The following RALB variants were observed in gnomAD, a reference collection of about 807,000 sequenced individuals.
RALB encodes RAS like proto-oncogene B, also known as ras-related protein Ral-B.
RALB carries 16 observed loss-of-function variants against 21.3 expected under a neutral mutation model. The observed-to-expected ratio is 0.75, with a 90% confidence interval of 0.51 to 1.14. The LOEUF is 1.14. Among genes scored for constraint, RALB ranks in the 50% most tolerant of loss-of-function variants. The probability of loss-of-function intolerance (pLI) is 0.00; values close to 1 mark genes in which losing one functional copy is unlikely to be tolerated. For missense variants in RALB, 161 were observed against 256.2 expected (o/e 0.63, Z 2.54); for synonymous variants, 93 against 96.1 (o/e 0.97, Z 0.19).
At chr2:120,268,683 A>G (rs1689566014) in intron 1 of RALB, among the ~76,000 whole-genome samples, 1 of 152,144 alleles carries the variant, frequency 6.6e-6, no homozygotes, top group Admixed American at 6.5e-5. Context: ...TAAAATAAAT[A>G]ATTAAGATCC....
In RALB at chr2:120,294,388, C is replaced by G; in HGVS notation, c.*1128C>G. On this transcript the variant is annotated 3_prime_UTR_variant, in exon 5 of 5. Coordinates refer to ENST00000272519, the MANE Select transcript of RALB (RefSeq NM_002881.3). Reference sequence around the variant, plus strand: ...TAATATAATTATTTTCTAAGATAGCCAGATAGTTAGAAAAAGATTTTCATT... The same window carrying G: ...TAATATAATTATTTTCTAAGATAGCGAGATAGTTAGAAAAAGATTTTCATT... 2.5e-6 allele frequency: 1 copy of G among 398,102 alleles called. No homozygotes were observed. Among genetic ancestry groups the G allele is most frequent in the Non-Finnish European group, 4.4e-6 (1 of 225,922 alleles). The allele number at this position is 398,102 out of a possible 1,614,324, so 24.7% of individuals were successfully genotyped here.
intron 1 of RALB, among the ~76,000 whole-genome samples, chr2:120,265,853 G>A (rs1384515636): frequency 2.6e-5 from 4 of 152,192 alleles, no homozygotes; most frequent in Non-Finnish European, 5.9e-5. Flanking sequence ...TCAGGATAGG[G>A]ACATGTATGC....
chr2:120,281,971 A>C (rs1690000662), intron 2 of RALB, among the ~76,000 whole-genome samples: 1 of 152,170 alleles, frequency 6.6e-6, no homozygotes, highest in South Asian at 2.1e-4. Flanking sequence ...AGATGCTACC[A>C]GCATCTAGTG....
intron 1 of RALB, among the ~76,000 whole-genome samples, chr2:120,254,240 T>C (rs1265853040): frequency 6.6e-6 from 1 of 152,158 alleles, no homozygotes; most frequent in Non-Finnish European, 1.5e-5. Flanking sequence ...AGAAGGGTGA[T>C]GATAGTTATC....
chr2:120,261,663 A>C (rs1406482152), intron 1 of RALB, among the ~76,000 whole-genome samples: 2 of 152,112 alleles, frequency 1.3e-5, no homozygotes, highest in East Asian at 3.9e-4. Context: ...TGCTGAAAAC[A>C]GTGAGTGAGA....
chr2:120,253,121 G>C, intron 1 of RALB, 141 bp downstream of exon 1: 1 of 565,898 alleles, frequency 1.8e-6, no homozygotes, highest in Non-Finnish European at 2.2e-6. Context: ...CCCCGAGGCC[G>C]GCGGAGGGCG....
At chr2:120,253,400 A>G (rs1049384426) in intron 1 of RALB, 9 of 985,458 alleles carry the variant, frequency 9.1e-6, no homozygotes, top group East Asian at 2.3e-4. Context: ...CGGAACTTGC[A>G]CGCGCCGTGA....
chr2:120,244,836 A>C (rs1367329055), intron 1 of RALB, among the ~76,000 whole-genome samples: 3 of 152,322 alleles, frequency 2.0e-5, no homozygotes, highest in African/African-American at 7.2e-5. Flanking sequence ...GAGATTGTCC[A>C]GAGGCAACCT....
At chr2:120,273,643 C>T (rs1428964171) in intron 1 of RALB, among the ~76,000 whole-genome samples, 1 of 152,238 alleles carries the variant, frequency 6.6e-6, no homozygotes, top group Non-Finnish European at 1.5e-5. Context: ...AGAAATTCCT[C>T]TCAGGGTTGG....
intron 4 of RALB, 139 bp from the exon 5 acceptor site, chr2:120,293,002 T>C: frequency 1.2e-6 from 1 of 841,620 alleles, no homozygotes; most frequent in East Asian, 3.5e-5. Context: ...CTTTAAAATG[T>C]AACTACATAT....
chr2:120,245,291 G>A, intron 1 of RALB, among the ~76,000 whole-genome samples: 1 of 152,230 alleles, frequency 6.6e-6, no homozygotes, highest in Non-Finnish European at 1.5e-5. Context: ...GGCTTGGTCT[G>A]CCTCTCACCA....
chr2:120,263,615 A>G (rs1441585184), intron 1 of RALB, among the ~76,000 whole-genome samples: 1 of 152,122 alleles, frequency 6.6e-6, no homozygotes, highest in Non-Finnish European at 1.5e-5. Context: ...GCTGGAGTGC[A>G]GTGGCGTGAT....
chr2:120,274,412 G>T (rs949446012), intron 1 of RALB, among the ~76,000 whole-genome samples: 1 of 152,002 alleles, frequency 6.6e-6, no homozygotes, highest in African/African-American at 2.4e-5. Flanking sequence ...GCGGTCAAGA[G>T]TAGGGGGGAG....
chr2:120,249,093 G>A (rs2104570446), upstream of RALB, among the ~76,000 whole-genome samples: 1 of 151,150 alleles, frequency 6.6e-6, no homozygotes, highest in Middle Eastern at 3.4e-3. Flanking sequence ...GGAGTGCAGT[G>A]GCATGATCTT....
upstream of RALB, among the ~76,000 whole-genome samples, chr2:120,251,805 C>T (rs980661836): frequency 1.3e-5 from 2 of 152,208 alleles, no homozygotes; most frequent in Non-Finnish European, 2.9e-5. Context: ...CTTCTGATTG[C>T]ACTTTTTTGT....
At chr2:120,265,105 T>G (rs1185678701) in intron 1 of RALB, among the ~76,000 whole-genome samples, 1 of 152,228 alleles carries the variant, frequency 6.6e-6, no homozygotes, top group Non-Finnish European at 1.5e-5. Context: ...CTTTTGTATA[T>G]ACAGCCACGC....
rs367680205 is a variant in RALB at position 120,293,306 on chromosome 2, C to T, written c.*46C>T. The T allele has an allele frequency of 6.4e-7, 1 of 1,552,592 alleles. No homozygotes were observed. The highest frequency in any genetic ancestry group is 8.7e-7 in the Non-Finnish European group (1 of 1,151,870). Reference sequence around the variant, plus strand: ...GCCAGCTGCTCCTAAGGACACAGGGCTGGGTTGGTAAAGAGAAGGCTATGG... The same window carrying T: ...GCCAGCTGCTCCTAAGGACACAGGGTTGGGTTGGTAAAGAGAAGGCTATGG... On this transcript the variant is annotated 3_prime_UTR_variant, in exon 5 of 5. Coordinates refer to ENST00000272519, the MANE Select transcript of RALB (RefSeq NM_002881.3).
upstream of RALB, among the ~76,000 whole-genome samples, chr2:120,250,623 G>A (rs1012307491): frequency 4.6e-5 from 7 of 152,194 alleles, no homozygotes; most frequent in South Asian, 2.1e-4. Flanking sequence ...GGCAGCAGTC[G>A]TTTACAGCAT....
intron 1 of RALB, among the ~76,000 whole-genome samples, chr2:120,268,500 G>C (rs770368640): frequency 1.3e-5 from 2 of 152,276 alleles, no homozygotes; most frequent in Non-Finnish European, 2.9e-5. Context: ...TGGCTAATCC[G>C]ACCAGATGCC....
Sources: allele counts gnomAD v4.1 joint callset (sites outside exome capture counted in the v4.1 genomes callset), GRCh38; gene constraint gnomAD v4.1.1; transcripts MANE v1.5; gene names NCBI Gene and HGNC (gene_info 2026-07-23, HGNC 2026-07-21).